The following DLGAP1 variants were observed in gnomAD, a reference collection of about 807,000 sequenced individuals.
The protein encoded by DLGAP1 is disks large-associated protein 1.
DLGAP1 carries 11 observed loss-of-function variants against 90.8 expected under a neutral mutation model. The observed-to-expected ratio is 0.12, with a 90% confidence interval of 0.08 to 0.20. DLGAP1 has a LOEUF of 0.20. Among genes scored for constraint, DLGAP1 ranks in the 10% least tolerant of loss-of-function variants. DLGAP1 has a pLI of 1.00. For missense variants in DLGAP1, 1,050 were observed against 1,333.8 expected, an observed-to-expected ratio of 0.79 and a Z score of 3.31; for synonymous variants, 558 against 540.7, an observed-to-expected ratio of 1.03 and a Z score of -0.44.
At chr18:4,319,928 T>C (rs1039771083) in intron 1 of DLGAP1, among the ~76,000 whole-genome samples, 4 of 152,184 alleles carry the variant, frequency 2.6e-5, no homozygotes, top group African/African-American at 9.6e-5. Flanking sequence ...CCACTCATTC[T>C]GGGGTCTCAG....
At chr18:4,341,183 A>AAT (rs368798400) in intron 1 of DLGAP1, among the ~76,000 whole-genome samples, 1,603 of 150,814 alleles carry the variant, frequency 0.011, 27 homozygotes, top group African/African-American at 0.035. Flanking sequence ...AGAATAGAGG[A>AAT]ATATATATAT....
intron 3 of DLGAP1, among the ~76,000 whole-genome samples, chr18:3,924,535 G>A (rs1197207495): frequency 6.6e-6 from 1 of 152,140 alleles, no homozygotes; most frequent in Non-Finnish European, 1.5e-5. Flanking sequence ...GGGGGAAAAA[G>A]AAACCCTACA....
At chr18:4,219,040 T>TG (rs2078022886) in intron 1 of DLGAP1, among the ~76,000 whole-genome samples, 1 of 149,616 alleles carries the variant, frequency 6.7e-6, no homozygotes, top group African/African-American at 2.4e-5. Flanking sequence ...TTTTTTTTTT[T>TG]TTTTTTTTTT....
chr18:4,060,497 C>T (rs1209524895), intron 2 of DLGAP1, among the ~76,000 whole-genome samples: 1 of 152,186 alleles, frequency 6.6e-6, no homozygotes, highest in East Asian at 1.9e-4. Flanking sequence ...CCTCGACAGT[C>T]CTGCCTCGGA....
chr18:3,803,990 AT>A (rs1187165404), intron 5 of DLGAP1, among the ~76,000 whole-genome samples: 1 of 98,838 alleles, frequency 1.0e-5, no homozygotes, highest in African/African-American at 3.4e-5. Context: ...ATATATATAT[AT>A]ATATATATAT....
chr18:3,497,274 G>C lies in DLGAP1; in HGVS notation c.*1911C>G, dbSNP rs1288327733. On this transcript the variant is annotated 3_prime_UTR_variant, in exon 13 of 13. Coordinates refer to ENST00000315677, the MANE Select transcript of DLGAP1 (RefSeq NM_004746.4). ...TTCTTTTTAAAACTAGCAAATACTT[G>C]AAGCTCAAAATCTCTGTATGCTCCA... 6.6e-6 allele frequency: 1 copy of C among 151,900 alleles called. No homozygotes were observed. Among genetic ancestry groups the C allele is most frequent in the Non-Finnish European group, 1.5e-5 (1 of 68,002 alleles). The allele number at this position is 151,900 out of a possible 1,614,324, so 9.4% of individuals were successfully genotyped here. A position where few individuals can be genotyped will look rare whatever the true frequency, so the allele number is the denominator to read the frequency against.
chr18:3,913,655 G>A (rs1485029976), intron 3 of DLGAP1, among the ~76,000 whole-genome samples: 2 of 152,148 alleles, frequency 1.3e-5, no homozygotes, highest in Admixed American at 6.5e-5. Flanking sequence ...TCAGCTGACG[G>A]AAGCAAAATA....
At chr18:4,426,659 C>T (rs1219037456) in intron 1 of DLGAP1, among the ~76,000 whole-genome samples, 1 of 152,168 alleles carries the variant, frequency 6.6e-6, no homozygotes, top group Admixed American at 6.5e-5. Context: ...TATTACTACA[C>T]TATAGGTTAT....
chr18:3,600,297 G>A (rs985247987), intron 7 of DLGAP1, among the ~76,000 whole-genome samples: 7 of 151,674 alleles, frequency 4.6e-5, no homozygotes, highest in Non-Finnish European at 1.0e-4. Context: ...TGTCACCCAG[G>A]CTGGAGTGCA....
intron 5 of DLGAP1, among the ~76,000 whole-genome samples, chr18:3,808,465 G>A (rs1035524533): frequency 6.6e-5 from 10 of 152,136 alleles, no homozygotes; most frequent in African/African-American, 2.4e-4. Context: ...AATTTCGTGT[G>A]GCAGGTTGTA....
At chr18:3,705,343 T>C (rs1029528314) in intron 7 of DLGAP1, among the ~76,000 whole-genome samples, 6 of 151,506 alleles carry the variant, frequency 4.0e-5, no homozygotes, top group Admixed American at 6.6e-5. Flanking sequence ...GGGGTTAGAA[T>C]GCAGTTTTGC....
At position 3,608,319 on chromosome 18, in the gene DLGAP1, A is replaced by G. The variant is rs902878766; in HGVS notation, c.1592-26071T>C. Reference sequence around the variant, plus strand: ...TCTGGGCCAATGAGAGTGAAACTCCATCTCAAAAAAAAAAAAAGATGAGCT... The same window carrying G: ...TCTGGGCCAATGAGAGTGAAACTCCGTCTCAAAAAAAAAAAAAGATGAGCT... On this transcript the variant is annotated intron_variant, in intron 7 of 12. Coordinates refer to ENST00000315677, the MANE Select transcript of DLGAP1 (RefSeq NM_004746.4). 2.1e-4 allele frequency: 26 copies of G among 125,706 alleles called. 1 individual carries two copies. The highest frequency in any genetic ancestry group is 6.6e-4 in the African/African-American group (21 of 31,764). The allele number at this position is 125,706 out of a possible 1,614,324, so 7.8% of individuals were successfully genotyped here.
intron 4 of DLGAP1, among the ~76,000 whole-genome samples, chr18:3,838,843 T>C (rs745544837): frequency 6.6e-6 from 1 of 152,216 alleles, no homozygotes; most frequent in Non-Finnish European, 1.5e-5. Context: ...AACCAAACTC[T>C]GGTTTTACTG....
chr18:3,619,110 C>G (rs1470665764), intron 7 of DLGAP1, among the ~76,000 whole-genome samples: 1 of 152,136 alleles, frequency 6.6e-6, no homozygotes, highest in African/African-American at 2.4e-5. Flanking sequence ...AAGAAACCAC[C>G]TTGCTGATAC....
chr18:3,595,328 A>G (rs1392297195), intron 7 of DLGAP1, among the ~76,000 whole-genome samples: 1 of 152,212 alleles, frequency 6.6e-6, no homozygotes, highest in African/African-American at 2.4e-5. Context: ...GTCATTTCAG[A>G]AGGCCCAGGG....
At chr18:3,734,519 TA>T (rs2062566529) in intron 6 of DLGAP1, among the ~76,000 whole-genome samples, 1 of 152,206 alleles carries the variant, frequency 6.6e-6, no homozygotes, top group African/African-American at 2.4e-5. Context: ...TTCTAAAACA[TA>T]GCAGTTTACA....
At chr18:4,201,189 C>T (rs997904597) in intron 1 of DLGAP1, among the ~76,000 whole-genome samples, 1 of 151,990 alleles carries the variant, frequency 6.6e-6, no homozygotes, top group Non-Finnish European at 1.5e-5. Context: ...GAGGCATTTG[C>T]TTTTGGGATT....
At chr18:4,162,678 A>C (rs2144518681) in intron 1 of DLGAP1, among the ~76,000 whole-genome samples, 1 of 152,294 alleles carries the variant, frequency 6.6e-6, no homozygotes, top group East Asian at 1.9e-4. Context: ...TTTGCCTCTA[A>C]GTCAACATAT....
At chr18:3,803,186 G>C (rs1337889211) in intron 5 of DLGAP1, among the ~76,000 whole-genome samples, 1 of 152,092 alleles carries the variant, frequency 6.6e-6, no homozygotes, top group Admixed American at 6.5e-5. Flanking sequence ...CTCATTGGAC[G>C]ACTGGACCCC....
Sources: gnomAD v4.1 joint callset for allele counts (sites outside exome capture counted in the v4.1 genomes callset) on GRCh38, gnomAD v4.1.1 for gene constraint, MANE v1.5 for transcripts, NCBI Gene and HGNC (gene_info 2026-07-23, HGNC 2026-07-21) for gene names.